The following TXNL1 variants were observed in gnomAD, a reference collection of about 807,000 sequenced individuals.
TXNL1 encodes the protein thioredoxin-like protein 1.
TXNL1 carries 14 observed loss-of-function variants against 35.5 expected under a neutral mutation model. The observed-to-expected ratio is 0.39, with a 90% CI of 0.26 to 0.62. TXNL1 has a LOEUF of 0.62. TXNL1 is among the 20% of genes least tolerant of loss of function. The pLI, the probability that TXNL1 is intolerant of heterozygous loss-of-function variation, is 0.47. For missense variants in TXNL1, 263 were observed against 349.7 expected (o/e 0.75, Z 1.98); for synonymous variants, 110 against 115.5 (o/e 0.95, Z 0.31).
Position 56,638,489 on chromosome 18 carries a change from C to T in TXNL1, c.-49G>A, listed in dbSNP as rs751742395. 1.3e-6 allele frequency: 2 copies of T among 1,572,910 alleles called. No individual in the cohort carries two copies. Among genetic ancestry groups the T allele is most frequent in the Non-Finnish European group, 1.7e-6 (2 of 1,153,154 alleles). On this transcript the variant is annotated 5_prime_UTR_variant, in exon 1 of 8. Coordinates refer to ENST00000217515, the MANE Select transcript of TXNL1 (RefSeq NM_004786.3). ...GGCCGCGACGCCACTGGCTTTGAAA[C>T]TGAAGGAGAAGACGATCTGGGAGAG...
intron 1 of TXNL1, among the ~76,000 whole-genome samples, chr18:56,637,704 G>A (rs567933084): frequency 1.3e-5 from 2 of 152,282 alleles, no homozygotes; most frequent in East Asian, 1.9e-4. Flanking sequence ...ATGTACTGTC[G>A]TGTGTGACCA....
Position 56,614,407 on chromosome 18 carries a change from A to G in TXNL1, c.735+17T>C. 1 of 1,607,502 alleles carries G rather than the reference A, an allele frequency of 6.2e-7. No homozygotes were observed. Among genetic ancestry groups the G allele is most frequent in the Non-Finnish European group, 8.5e-7 (1 of 1,176,240 alleles). The stretch of plus-strand genomic sequence containing the variant: ...CTCACAAACCTATTAAATACATATG[A>G]ACGAAATACTACTTACAGTTACACT... On this transcript the variant is annotated intron_variant, in intron 6 of 7. Coordinates refer to ENST00000217515, the MANE Select transcript of TXNL1 (RefSeq NM_004786.3).
Position 56,618,249 on chromosome 18 carries a change from A to G in TXNL1, c.370-123T>C, listed in dbSNP as rs567286040. On this transcript the variant is annotated intron_variant, in intron 3 of 7. Coordinates refer to ENST00000217515, the MANE Select transcript of TXNL1 (RefSeq NM_004786.3). ...GAAAACACTTTTAAAACAGTTCATAAAACTTTTACAGTAGTCCTTTCATTT... is the reference window on the plus strand; with the variant it reads ...GAAAACACTTTTAAAACAGTTCATAGAACTTTTACAGTAGTCCTTTCATTT... 4 of 1,029,574 alleles carry G rather than the reference A, an allele frequency of 3.9e-6. No homozygotes were observed. In the South Asian group the frequency reaches 5.3e-5, roughly 14 times the overall value. 63.8% of individuals were successfully genotyped at this position (1,029,574 alleles called of 1,614,324 possible).
chr18:56,616,042 G>C (rs1189230548), intron 5 of TXNL1, among the ~76,000 whole-genome samples: 1 of 150,192 alleles, frequency 6.7e-6, no homozygotes, highest in Non-Finnish European at 1.5e-5. Flanking sequence ...AGAGGTGGGA[G>C]AATCACTTGA....
At chr18:56,637,638 CAG>C (rs1334547454) in intron 1 of TXNL1, among the ~76,000 whole-genome samples, 4 of 152,170 alleles carry the variant, frequency 2.6e-5, no homozygotes, top group Admixed American at 2.6e-4. Flanking sequence ...AGTGAAAAAA[CAG>C]AGCCGGGTCA....
chr18:56,631,362 C>T (rs1486322149), intron 1 of TXNL1, among the ~76,000 whole-genome samples: 1 of 152,184 alleles, frequency 6.6e-6, no homozygotes, highest in Non-Finnish European at 1.5e-5. Flanking sequence ...TTCAGAATTA[C>T]ACCTTTTTCT....
intron 4 of TXNL1, 67 bp downstream of exon 4, chr18:56,617,937 G>A (rs1406090382): frequency 3.8e-6 from 6 of 1,572,462 alleles, no homozygotes; most frequent in Non-Finnish European, 3.5e-6. Flanking sequence ...CACAAAATGG[G>A]AACAAGAAAC....
rs745476826 is a variant in TXNL1 at position 56,618,146 on chromosome 18, T to C, written c.370-20A>G. 1.2e-6 allele frequency: 2 copies of C among 1,609,648 alleles called. No homozygotes were observed. The highest frequency in any genetic ancestry group is 1.7e-6 in the Non-Finnish European group (2 of 1,177,230). ...ATCCATCTGAAAAAAAATTGCAAGA[T>C]TTTAGGCAACATATTTGGATTAGGT... On this transcript the variant is annotated intron_variant, in intron 3 of 7. Coordinates refer to ENST00000217515, the MANE Select transcript of TXNL1 (RefSeq NM_004786.3).
chr18:56,610,847 T>C (rs2023978117), intron 7 of TXNL1, 146 bp downstream of exon 7: 1 of 518,864 alleles, frequency 1.9e-6, no homozygotes, highest in African/African-American at 2.0e-5. Flanking sequence ...GGGAACTTTC[T>C]ATCCTAGTTT....
chr18:56,605,167 G>C (rs1048683979), intron 7 of TXNL1: 3 of 152,120 alleles, frequency 2.0e-5, no homozygotes, highest in African/African-American at 7.2e-5. Flanking sequence ...TGAAGAAAGA[G>C]ATGATTGAGG....
Position 56,614,341 on chromosome 18 carries a change from A to G in TXNL1, c.735+83T>C, listed in dbSNP as rs919257407. The G allele has an allele frequency of 4.1e-6, 5 of 1,231,194 alleles. No homozygotes were observed. The African/African-American group carries it at 4.6e-5, about 11-fold the overall frequency. 76.3% of individuals were successfully genotyped at this position (1,231,194 alleles called of 1,614,324 possible). On this transcript the variant is annotated intron_variant, in intron 6 of 7. Transcript: ENST00000217515. Reference sequence around the variant, plus strand: ...GAGTGAATAAATACCACTTTAAAGAATCACTTAGACTTACCTAGGATACTG... The same window carrying G: ...GAGTGAATAAATACCACTTTAAAGAGTCACTTAGACTTACCTAGGATACTG...
intron 1 of TXNL1, among the ~76,000 whole-genome samples, chr18:56,633,757 G>A (rs368811237): frequency 2.4e-4 from 36 of 151,808 alleles, no homozygotes; most frequent in South Asian, 1.2e-3. Context: ...AGGCCGAGGC[G>A]GGCAGATCAC....
intron 1 of TXNL1, among the ~76,000 whole-genome samples, chr18:56,631,788 C>T (rs956317668): frequency 2.0e-5 from 3 of 151,942 alleles, no homozygotes; most frequent in East Asian, 1.9e-4. Flanking sequence ...GGCCTAGTAA[C>T]GCATGCCTGT....
Position 56,598,403 on chromosome 18 carries a change from T to C in TXNL1, c.*4624A>G, listed in dbSNP as rs983674873. The C allele has an allele frequency of 3.3e-5, 5 of 152,062 alleles. No homozygotes were observed. Among genetic ancestry groups the C allele is most frequent in the African/African-American group, 1.2e-4 (5 of 41,384 alleles). 9.4% of individuals were successfully genotyped at this position (152,062 alleles called of 1,614,324 possible). A position where few individuals can be genotyped will look rare whatever the true frequency, so the allele number is the denominator to read the frequency against. On this transcript the variant is annotated 3_prime_UTR_variant, in exon 8 of 8. Transcript: ENST00000217515. ...GCACAATTGTTATGATTATTCCCGG[T>C]ATCAGTTTTCCTTGGACTGAGCCTT...
intron 2 of TXNL1, 147 bp downstream of exon 2, chr18:56,626,214 A>G (rs1478449670): frequency 2.1e-6 from 3 of 1,401,636 alleles, no homozygotes; most frequent in East Asian, 2.5e-5. Context: ...CCATAATGAC[A>G]TCTGTAATAA....
chr18:56,629,932 C>T (rs2024344851), intron 1 of TXNL1, among the ~76,000 whole-genome samples: 2 of 152,162 alleles, frequency 1.3e-5, no homozygotes, highest in African/African-American at 2.4e-5. Flanking sequence ...CCGATGATGG[C>T]TCATGCCTGT....
intron 1 of TXNL1, among the ~76,000 whole-genome samples, chr18:56,627,429 A>G (rs2024303763): frequency 6.6e-6 from 1 of 152,216 alleles, no homozygotes. Context: ...TGCCAAGGAC[A>G]GCCCAAGTCG....
chr18:56,614,731 C>G, intron 5 of TXNL1, 135 bp from the exon 6 acceptor site: 1 of 744,752 alleles, frequency 1.3e-6, no homozygotes, highest in Non-Finnish European at 2.0e-6. Context: ...ATTATTAGAA[C>G]TTGTACAAAA....
chr18:56,619,351 A>C lies in TXNL1; in HGVS notation c.370-1225T>G, dbSNP rs140501809. ...TCAGGAGTTTGAGACCAGCTTGTCC[A>C]ACATGGTGAAACTCTGTCTCTACTA... On this transcript the variant is annotated intron_variant, in intron 3 of 7. Transcript: ENST00000217515. Among the ~76,000 whole-genome samples the C allele has an allele frequency of 3.0e-4, 46 of 151,830 alleles. No individual in the cohort carries two copies. In the East Asian group the frequency reaches 8.7e-3, roughly 29 times the overall value.
Sources: gnomAD v4.1 joint callset for allele counts (sites outside exome capture counted in the v4.1 genomes callset) on GRCh38, gnomAD v4.1.1 for gene constraint, MANE v1.5 for transcripts, NCBI Gene and HGNC (gene_info 2026-07-23, HGNC 2026-07-21) for gene names.